The following MED13 variants were observed in gnomAD, a reference collection of about 807,000 sequenced individuals.
MED13 encodes the protein mediator of RNA polymerase II transcription subunit 13.
In MED13, 23 loss-of-function variants were observed where a neutral mutation model predicts 225.2. The observed-to-expected ratio is 0.10, with a 90% CI of 0.07 to 0.14. MED13 has a LOEUF of 0.14. Ranked by LOEUF, MED13 falls within the 10% of genes least tolerant of loss-of-function variation. The pLI is 1.00. For missense variants in MED13, 2,197 were observed against 2,594.5 expected, an observed-to-expected ratio of 0.85 and a Z score of 3.33; for synonymous variants, 942 against 889.2, an observed-to-expected ratio of 1.06 and a Z score of -1.06.
intron 16 of MED13, among the ~76,000 whole-genome samples, chr17:61,977,612 T>C (rs1432022609): frequency 6.6e-6 from 1 of 151,874 alleles, no homozygotes; most frequent in East Asian, 1.9e-4. Flanking sequence ...CCACCACGCC[T>C]GGCTAATTTT....
At chr17:62,003,315 G>A (rs2080413509) in intron 9 of MED13, among the ~76,000 whole-genome samples, 1 of 152,016 alleles carries the variant, frequency 6.6e-6, no homozygotes, top group Non-Finnish European at 1.5e-5. Context: ...ATATCTAAAA[G>A]CAAATTGTGG....
At chr17:62,039,796 C>T (rs911526334) in intron 3 of MED13, among the ~76,000 whole-genome samples, 13 of 151,912 alleles carry the variant, frequency 8.6e-5, no homozygotes, top group Non-Finnish European at 1.3e-4. Flanking sequence ...GGGGTTTTGC[C>T]ATGTATTGGC....
Position 62,031,491 on chromosome 17 carries a change from G to A in MED13, c.962C>T (p.Ser321Phe). ...CGTAGGTGGTGTAAGCGTAACCGAA[G>A]ACATAGCAGGATCTCTTGTGGAAGC... is the stretch of plus-strand genomic sequence containing the variant. ...VPASTRDPAM[S>F]SVTLTPPTSP... Residue 321 changes from serine to phenylalanine, a missense_variant, in exon 6 of 30, where the codon TCT (serine) becomes TTT (phenylalanine). By Grantham distance (155) the Ser-to-Phe change is radical. Around this residue, in one of 12 missense-constraint regions of MED13, gnomAD observed 884 missense variants for 918.5 expected, o/e 0.96. Transcript: ENST00000397786. The A allele has an allele frequency of 6.2e-7, 1 of 1,613,746 alleles. No individual in the cohort carries two copies. Among genetic ancestry groups the A allele is most frequent in the Non-Finnish European group, 8.5e-7 (1 of 1,179,818 alleles).
Position 62,041,964 on chromosome 17 carries a change from T to C in MED13, c.471-6356A>G, listed in dbSNP as rs376737359. The stretch of plus-strand genomic sequence containing the variant: ...AAACTTGTCTTACATTAGGATCTTC[T>C]AAAATTTCCAAAGCCCAGATTACAG... On this transcript the variant is annotated intron_variant, in intron 3 of 29. Transcript: ENST00000397786. Among the ~76,000 whole-genome samples the C allele has an allele frequency of 2.8e-4, 42 of 152,336 alleles. No individual in the cohort carries two copies. The East Asian group carries it at 4.2e-3, about 15-fold the overall frequency.
At chr17:61,963,406 C>A (rs2080024309) in intron 20 of MED13, among the ~76,000 whole-genome samples, 1 of 151,858 alleles carries the variant, frequency 6.6e-6, no homozygotes, top group South Asian at 2.1e-4. Flanking sequence ...CAGAAAGAAA[C>A]CACGTTTCCA....
chr17:61,947,834 T>C (rs1371529060), intron 28 of MED13, among the ~76,000 whole-genome samples: 1 of 152,172 alleles, frequency 6.6e-6, no homozygotes, highest in Non-Finnish European at 1.5e-5. Context: ...GTCAATATAG[T>C]ATTAAAAAGC....
chr17:61,967,115 G>C (rs1218410529), intron 18 of MED13, among the ~76,000 whole-genome samples: 1 of 152,094 alleles, frequency 6.6e-6, no homozygotes, highest in African/African-American at 2.4e-5. Flanking sequence ...CTAGTTCTGT[G>C]AGTCACTGAT....
intron 3 of MED13, among the ~76,000 whole-genome samples, chr17:62,049,089 A>AAAAAAAAAAAAAAAAAAAAG: frequency 6.6e-6 from 1 of 150,802 alleles, no homozygotes; most frequent in Non-Finnish European, 1.5e-5. Context: ...AAAAAAAAAA[A>AAAAAAAAAAAAAAAAAAAAG]AAAAAAGGAG....
At chr17:61,980,899 T>G (rs553986475) in intron 16 of MED13, among the ~76,000 whole-genome samples, 51 of 151,618 alleles carry the variant, frequency 3.4e-4, no homozygotes, top group Non-Finnish European at 7.4e-5. Flanking sequence ...CGCCCCACCA[T>G]GCTGGCTAAT....
intron 8 of MED13, among the ~76,000 whole-genome samples, 181 bp from the exon 9 acceptor site, chr17:62,011,414 A>G (rs1196134003): frequency 6.6e-6 from 1 of 152,216 alleles, no homozygotes; most frequent in East Asian, 1.9e-4. Context: ...ATAAAATATA[A>G]GGGCATGCAG....
intron 6 of MED13, chr17:62,030,414 T>G (rs1198150096): frequency 6.4e-6 from 1 of 156,320 alleles, no homozygotes; most frequent in African/African-American, 2.4e-5. Flanking sequence ...TGGAAGGACT[T>G]CGGAGTAGTG....
chr17:62,015,944 ATATATATATATTTTTTT>A (rs1375555656), intron 8 of MED13, among the ~76,000 whole-genome samples: 5 of 12,704 alleles, frequency 3.9e-4, no homozygotes, highest in Non-Finnish European at 7.7e-4. Flanking sequence ...ATATATATAT[ATATATATATATTTTTTT>A]TTTTTTTTTT....
chr17:62,031,782 TAA>T, intron 5 of MED13, 144 bp from the exon 6 acceptor site: 2 of 464,414 alleles, frequency 4.3e-6, no homozygotes, highest in Non-Finnish European at 3.5e-6. Flanking sequence ...TTCTTTGGCA[TAA>T]GTTTTTCTTT....
rs2079841054 is a variant in MED13, at chr17:61,944,927, G to A, written c.*1541C>T. The A allele has an allele frequency of 1.3e-5, 2 of 152,566 alleles. No individual in the cohort carries two copies. Among genetic ancestry groups the A allele is most frequent in the African/African-American group, 4.8e-5 (2 of 41,426 alleles). The allele number at this position is 152,566 out of a possible 1,614,324, so 9.5% of individuals were successfully genotyped here. On this transcript the variant is annotated 3_prime_UTR_variant, in exon 30 of 30. Transcript: ENST00000397786. ...AGCCTGCATAAAAGCAGTTATCTTGGCATGTGCAAACAAGAAGGGGGAAAG... is the reference window on the plus strand; with the variant it reads ...AGCCTGCATAAAAGCAGTTATCTTGACATGTGCAAACAAGAAGGGGGAAAG...
intron 8 of MED13, among the ~76,000 whole-genome samples, chr17:62,015,657 T>C (rs1428031689): frequency 1.3e-5 from 2 of 150,632 alleles, no homozygotes; most frequent in Non-Finnish European, 2.9e-5. Flanking sequence ...CACTGTAACC[T>C]CTGCCTCTCA....
intron 9 of MED13, chr17:62,006,381 G>T (rs1039983066): frequency 2.0e-5 from 3 of 151,384 alleles, no homozygotes; most frequent in African/African-American, 7.3e-5. Context: ...CAACAAGAAA[G>T]ATTCCTTTTT....
rs141971920 is a variant in MED13, at chr17:62,012,552, A to T, written c.1284-1319T>A. 3.8e-3 allele frequency among the ~76,000 whole-genome samples: 570 copies of T among 151,518 alleles called. 5 individuals carry two copies. The highest frequency in any genetic ancestry group is 0.013 in the African/African-American group (532 of 41,320). ...TCCATGTTGGTCAGGCTGGTCCTGA[A>T]CTCCCGACCTCAGGAGATCTGCCCA... On this transcript the variant is annotated intron_variant, in intron 8 of 29. Transcript: ENST00000397786.
intron 2 of MED13, among the ~76,000 whole-genome samples, chr17:62,053,985 C>T (rs1306323075): frequency 2.6e-5 from 4 of 152,116 alleles, no homozygotes; most frequent in African/African-American, 9.7e-5. Flanking sequence ...TCTTTCAAAG[C>T]AACTAATTTT....
chr17:62,028,584 A>G (rs112976718), intron 8 of MED13, among the ~76,000 whole-genome samples: 1 of 151,982 alleles, frequency 6.6e-6, no homozygotes, highest in Non-Finnish European at 1.5e-5. Flanking sequence ...ACTCTTCAAA[A>G]CCCAACACTG....
Sources: allele counts gnomAD v4.1 joint callset (sites outside exome capture counted in the v4.1 genomes callset), GRCh38; gene constraint gnomAD v4.1.1; regional missense constraint gnomAD v4.1.1; transcripts MANE v1.5; gene names NCBI Gene and HGNC (gene_info 2026-07-23, HGNC 2026-07-21).